The following TBC1D22A variants were observed in gnomAD, a reference collection of about 807,000 sequenced individuals.
TBC1D22A encodes the protein TBC1 domain family member 22A.
A neutral mutation model predicts 60.2 loss-of-function variants in TBC1D22A; 38 were observed. The ratio of observed to expected loss-of-function variants is 0.63; its 90% confidence interval spans 0.49 to 0.83. TBC1D22A has a LOEUF of 0.83. Ranked by LOEUF, TBC1D22A falls within the 40% of genes least tolerant of loss-of-function variation. TBC1D22A has a pLI of 0.00. For missense variants in TBC1D22A, 628 were observed against 701.0 expected (o/e 0.90, Z 1.18); for synonymous variants, 302 against 281.7 (o/e 1.07, Z -0.72).
At chr22:47,036,937 G>T in intron 10 of TBC1D22A, 134 bp from the exon 11 acceptor site, 1 of 973,604 alleles carries the variant, frequency 1.0e-6, no homozygotes, top group Non-Finnish European at 1.5e-6. Context: ...GCTCCTTGGG[G>T]GTTGTTGCTT....
chr22:46,765,957 ATGTGTGTGTGTGTGTGTGTGTGTG>A (rs747869318), intron 1 of TBC1D22A, among the ~76,000 whole-genome samples: 19 of 128,656 alleles, frequency 1.5e-4, no homozygotes, highest in Admixed American at 3.1e-4. Context: ...CAGCTAATTT[ATGTGTGTGTGTGTGTGTGTGTGTG>A]TGTGTGTGTG....
At chr22:46,972,876 C>T (rs1018804696) in intron 8 of TBC1D22A, among the ~76,000 whole-genome samples, 2 of 152,174 alleles carry the variant, frequency 1.3e-5, no homozygotes, top group South Asian at 2.1e-4. Context: ...GAGTGATGTG[C>T]GAACTGGCTG....
intron 5 of TBC1D22A, among the ~76,000 whole-genome samples, chr22:46,886,488 C>T (rs1056131318): frequency 6.6e-6 from 1 of 152,208 alleles, no homozygotes; most frequent in African/African-American, 2.4e-5. Context: ...GCGGTTGTGA[C>T]CCGATGCCCT....
In TBC1D22A at chr22:46,777,443, A is replaced by G. The variant is rs911623438; in HGVS notation, c.62+14595A>G. Among the ~76,000 whole-genome samples the G allele has an allele frequency of 6.6e-6, 1 of 151,968 alleles. No homozygotes were observed. Among genetic ancestry groups the G allele is most frequent in the Non-Finnish European group, 1.5e-5 (1 of 68,004 alleles). On this transcript the variant is annotated intron_variant, in intron 1 of 12. Transcript: ENST00000337137. The surrounding 1 kb of genome is among the most constrained non-coding windows in gnomAD (Gnocchi z 4.5). ...TTTTTTGGGGGAACCCGTTGACGTG[A>G]GGTGGTGGATTCGTGGCTGAGAGTT...
chr22:47,088,346 T>C (rs1448384255), intron 11 of TBC1D22A, among the ~76,000 whole-genome samples: 1 of 152,110 alleles, frequency 6.6e-6, no homozygotes, highest in Non-Finnish European at 1.5e-5. Flanking sequence ...AGCAAGGAAC[T>C]TCTCATAGAC....
chr22:47,164,742 T>C lies in TBC1D22A; in HGVS notation c.1426-8756T>C, dbSNP rs973731523. ...CTGAAGTTCACTGGGGTCGCTCCGC[T>C]GGCAGCGCTGACAGCAGCGGACCTT... On this transcript the variant is annotated intron_variant, in intron 12 of 12. Transcript: ENST00000337137. Among the ~76,000 whole-genome samples, 3 of 152,344 alleles carry C rather than the reference T, an allele frequency of 2.0e-5. No homozygotes were observed. In the East Asian group the frequency reaches 5.8e-4, roughly 29 times the overall value.
intron 8 of TBC1D22A, among the ~76,000 whole-genome samples, chr22:46,927,055 ACT>A (rs1436015684): frequency 6.6e-6 from 1 of 152,130 alleles, no homozygotes; most frequent in African/African-American, 2.4e-5. Flanking sequence ...TTCTTCATAG[ACT>A]CTTTCAAAAA....
intron 6 of TBC1D22A, among the ~76,000 whole-genome samples, chr22:46,893,020 C>G (rs1462975021): frequency 6.6e-6 from 1 of 152,220 alleles, no homozygotes; most frequent in Non-Finnish European, 1.5e-5. Context: ...GTTTGGAGAC[C>G]TTGGTTTCTC....
intron 1 of TBC1D22A, among the ~76,000 whole-genome samples, chr22:46,770,604 A>C (rs2083449384): frequency 6.6e-6 from 1 of 152,208 alleles, no homozygotes; most frequent in Non-Finnish European, 1.5e-5. Flanking sequence ...GGGGGTGGTC[A>C]CTGGGTAACC....
intron 12 of TBC1D22A, among the ~76,000 whole-genome samples, chr22:47,164,918 G>A (rs140828257): frequency 2.0e-5 from 3 of 152,308 alleles, no homozygotes; most frequent in Middle Eastern, 6.8e-3. Flanking sequence ...AAGGCCCGGG[G>A]GTTTGGGTAG....
intron 4 of TBC1D22A, among the ~76,000 whole-genome samples, chr22:46,840,806 TG>T (rs2086724924): frequency 6.6e-6 from 1 of 151,756 alleles, no homozygotes; most frequent in Non-Finnish European, 1.5e-5. Flanking sequence ...TTTACACCAT[TG>T]GTGGGAATGT....
chr22:46,805,512 A>T (rs1013337748), intron 4 of TBC1D22A, among the ~76,000 whole-genome samples: 22 of 152,340 alleles, frequency 1.4e-4, no homozygotes, highest in African/African-American at 5.3e-4. Context: ...TCTTCCTCAC[A>T]GCTCTAAAGG....
intron 10 of TBC1D22A, among the ~76,000 whole-genome samples, chr22:47,035,438 C>T (rs1188063561): frequency 1.3e-5 from 2 of 152,182 alleles, no homozygotes; most frequent in Non-Finnish European, 2.9e-5. Context: ...TCAGAACAGC[C>T]TTTGCTGTTC....
At chr22:46,965,539 T>C (rs2073760908) in intron 8 of TBC1D22A, among the ~76,000 whole-genome samples, 1 of 152,240 alleles carries the variant, frequency 6.6e-6, no homozygotes, top group African/African-American at 2.4e-5. Context: ...GAGCAGCAAA[T>C]GGAGAACTGT....
intron 1 of TBC1D22A, among the ~76,000 whole-genome samples, chr22:46,773,546 C>T (rs1041016317): frequency 3.3e-5 from 5 of 152,270 alleles, no homozygotes; most frequent in African/African-American, 1.2e-4. Context: ...CTCACTGTAA[C>T]CTCTGCCTCC....
At chr22:47,157,197 G>T (rs1171361055) in intron 12 of TBC1D22A, among the ~76,000 whole-genome samples, 1 of 152,212 alleles carries the variant, frequency 6.6e-6, no homozygotes, top group East Asian at 1.9e-4. Flanking sequence ...TGGGAGAGCA[G>T]CATGCAGAGT....
rs1021873424 is a variant in TBC1D22A, at chr22:47,110,713, G to T, written c.1330-795G>T. On this transcript the variant is annotated intron_variant, in intron 11 of 12. Coordinates refer to ENST00000337137, the MANE Select transcript of TBC1D22A (RefSeq NM_014346.5). ...CACTGACAGTAGTCCTATAGATGTT[G>T]CATGGGCAAGGCAGAGAAGGTAGCA... Among the ~76,000 whole-genome samples the T allele has an allele frequency of 4.6e-5, 7 of 152,292 alleles. No individual in the cohort carries two copies. The East Asian group carries it at 1.4e-3, about 29-fold the overall frequency.
At chr22:47,063,158 G>T (rs1008841053) in intron 11 of TBC1D22A, among the ~76,000 whole-genome samples, 1 of 152,174 alleles carries the variant, frequency 6.6e-6, no homozygotes, top group Admixed American at 6.5e-5. Context: ...CCTGGCTGAA[G>T]AATCGCTGGG....
intron 12 of TBC1D22A, among the ~76,000 whole-genome samples, chr22:47,127,146 G>C (rs2066485665): frequency 6.6e-6 from 1 of 151,852 alleles, no homozygotes; most frequent in Non-Finnish European, 1.5e-5. Flanking sequence ...GAAAATTCTT[G>C]GTTAGTGATA....
Sources: allele counts gnomAD v4.1 joint callset (sites outside exome capture counted in the v4.1 genomes callset), GRCh38; gene constraint gnomAD v4.1.1; non-coding constraint Gnocchi (gnomAD v3.1); transcripts MANE v1.5; gene names NCBI Gene and HGNC (gene_info 2026-07-23, HGNC 2026-07-21).